The following WDR20 variants were observed in gnomAD, a reference collection of about 807,000 sequenced individuals.
The protein encoded by WDR20 is WD repeat-containing protein 20.
In WDR20, 3 loss-of-function variants were observed where a neutral mutation model predicts 38.7. That is an observed-to-expected ratio of 0.08 (90% CI 0.04 to 0.20). The LOEUF (loss-of-function observed/expected upper bound fraction) is 0.20. Among genes scored for constraint, WDR20 ranks in the 10% least tolerant of loss-of-function variants. WDR20 has a pLI of 1.00. For missense variants in WDR20, 559 were observed against 727.7 expected (o/e 0.77, Z 2.67); for synonymous variants, 298 against 285.6 (o/e 1.04, Z -0.44).
chr14:102,155,070 G>T (rs946840126), intron 1 of WDR20, among the ~76,000 whole-genome samples: 9 of 152,152 alleles, frequency 5.9e-5, no homozygotes, highest in African/African-American at 1.7e-4. Flanking sequence ...CTTTTTAGAG[G>T]TTGAGATTGC....
chr14:102,216,426 G>T (rs2063228792), downstream of WDR20, among the ~76,000 whole-genome samples: 1 of 152,012 alleles, frequency 6.6e-6, no homozygotes, highest in Non-Finnish European at 1.5e-5. Flanking sequence ...TGAGTAACTG[G>T]GACCATAGGC....
intron 2 of WDR20, among the ~76,000 whole-genome samples, chr14:102,200,467 T>TTTTTGTG (rs748066838): frequency 1.7e-5 from 2 of 117,688 alleles, no homozygotes; most frequent in African/African-American, 3.1e-5. Flanking sequence ...ATTTTTTTTT[T>TTTTTGTG]TGTGTGTGTG....
At chr14:102,140,721 G>T (rs941614958) in intron 1 of WDR20, among the ~76,000 whole-genome samples, 1 of 152,218 alleles carries the variant, frequency 6.6e-6, no homozygotes, top group South Asian at 2.1e-4. Context: ...CTTCCTAGGA[G>T]CCTCTCCTGG....
downstream of WDR20, among the ~76,000 whole-genome samples, chr14:102,216,842 A>T (rs1486483062): frequency 6.6e-6 from 1 of 152,204 alleles, no homozygotes; most frequent in East Asian, 1.9e-4. Context: ...AGGCACCATG[A>T]AAATCACTTG....
Position 102,199,897 on chromosome 14 carries a change from G to A in WDR20, c.432+4777G>A, listed in dbSNP as rs141568417. 1.2e-3 allele frequency among the ~76,000 whole-genome samples: 177 copies of A among 152,342 alleles called. 1 individual carries two copies. Among genetic ancestry groups the A allele is most frequent in the African/African-American group, 4.2e-3 (175 of 41,580 alleles). ...AAATAGAGAGGTACAAAGAAGGTAG[G>A]AAAGCATCACCTCTAAACCGTGACG... On this transcript the variant is annotated intron_variant, in intron 2 of 2. Coordinates refer to ENST00000342702, the MANE Select transcript of WDR20 (RefSeq NM_144574.4).
At chr14:102,186,964 A>AG (rs397976356) in intron 1 of WDR20, among the ~76,000 whole-genome samples, 20 of 150,960 alleles carry the variant, frequency 1.3e-4, no homozygotes, top group African/African-American at 4.7e-4. Flanking sequence ...AAAAAAAAAA[A>AG]GTTCCACCAA....
At chr14:102,173,007 A>T (rs1327022834) in intron 1 of WDR20, among the ~76,000 whole-genome samples, 4 of 147,132 alleles carry the variant, frequency 2.7e-5, no homozygotes, top group African/African-American at 1.0e-4. Flanking sequence ...CACATCTCAG[A>T]CGATGGGCGG....
chr14:102,188,193 C>T (rs1282287227), intron 1 of WDR20, among the ~76,000 whole-genome samples: 1 of 152,174 alleles, frequency 6.6e-6, no homozygotes, highest in Non-Finnish European at 1.5e-5. Context: ...TCAGATGCTT[C>T]TGGGCACTGA....
At chr14:102,224,655 A>G (rs749521257), downstream of WDR20, 2 of 456,066 alleles carry the variant, frequency 4.4e-6, no homozygotes, top group East Asian at 6.9e-5. Flanking sequence ...GCAGCCACGG[A>G]AAACTTCACA....
At chr14:102,187,042 G>A (rs1373459467) in intron 1 of WDR20, among the ~76,000 whole-genome samples, 1 of 152,078 alleles carries the variant, frequency 6.6e-6, no homozygotes, top group African/African-American at 2.4e-5. Context: ...TAGGCCCCTA[G>A]TCGTTCCACT....
intron 1 of WDR20, among the ~76,000 whole-genome samples, chr14:102,191,917 GAATT>G (rs1596570850): frequency 6.6e-6 from 1 of 152,128 alleles, no homozygotes; most frequent in African/African-American, 2.4e-5. Flanking sequence ...AAAATAAAAA[GAATT>G]AATAGGAAAA....
chr14:102,206,879 C>A (rs542012424), intron 2 of WDR20, among the ~76,000 whole-genome samples: 9 of 152,248 alleles, frequency 5.9e-5, no homozygotes, highest in African/African-American at 1.9e-4. Flanking sequence ...CACCTCCCTC[C>A]ACCATCAAAA....
intron 1 of WDR20, among the ~76,000 whole-genome samples, chr14:102,150,506 T>G (rs2055414316): frequency 6.6e-6 from 1 of 152,156 alleles, no homozygotes; most frequent in Non-Finnish European, 1.5e-5. Flanking sequence ...AGAGGGAATA[T>G]TTTAACATCT....
chr14:102,204,299 G>T (rs967595289), intron 2 of WDR20, among the ~76,000 whole-genome samples: 2 of 152,116 alleles, frequency 1.3e-5, no homozygotes, highest in African/African-American at 4.8e-5. Flanking sequence ...CTGTCTTTCT[G>T]TCCTTCTGTC....
Position 102,192,362 on chromosome 14 carries a change from A to G in WDR20, c.250-2576A>G, listed in dbSNP as rs1007305012. 3.9e-5 allele frequency among the ~76,000 whole-genome samples: 6 copies of G among 152,120 alleles called. 1 individual carries two copies. Among genetic ancestry groups the G allele is most frequent in the Admixed American group, 3.9e-4 (6 of 15,290 alleles). ...GCCCGGCTAATTTTTGTGTTTTAGT[A>G]GAGATGGGGTTTCATCATATTGGTC... On this transcript the variant is annotated intron_variant, in intron 1 of 2. Transcript: ENST00000342702.
rs116853552 is a variant in WDR20, at chr14:102,184,926, C to T, written c.250-10012C>T. 6.9e-3 allele frequency among the ~76,000 whole-genome samples: 1,057 copies of T among 152,190 alleles called. 8 individuals carry two copies. The highest frequency in any genetic ancestry group is 9.7e-3 in the Non-Finnish European group (660 of 68,022). ...AAGCGCGCTAGAGACAATGCACCAA[C>T]GGTTGGTCTTTAGTGAAGGGGATGG... On this transcript the variant is annotated intron_variant, in intron 1 of 2. Coordinates refer to ENST00000342702, the MANE Select transcript of WDR20 (RefSeq NM_144574.4).
At chr14:102,203,115 C>T (rs2060814506) in intron 2 of WDR20, among the ~76,000 whole-genome samples, 1 of 152,214 alleles carries the variant, frequency 6.6e-6, no homozygotes, top group Non-Finnish European at 1.5e-5. Context: ...GCATTCTGCA[C>T]CTACTGCTGG....
At chr14:102,182,954 C>T (rs1254184661) in intron 1 of WDR20, among the ~76,000 whole-genome samples, 1 of 151,478 alleles carries the variant, frequency 6.6e-6, no homozygotes, top group African/African-American at 2.4e-5. Context: ...ATCTCAGCTA[C>T]TTGGGAGGCT....
chr14:102,191,852 G>A lies in WDR20; in HGVS notation c.250-3086G>A, dbSNP rs1271262776. On this transcript the variant is annotated intron_variant, in intron 1 of 2. Coordinates refer to ENST00000342702, the MANE Select transcript of WDR20 (RefSeq NM_144574.4). ...CTTCTAGACAGTGCCACTCACACTAGTGTTGACAGATCAACTTTAAAAAAA... is the reference window on the plus strand; with the variant it reads ...CTTCTAGACAGTGCCACTCACACTAATGTTGACAGATCAACTTTAAAAAAA... Among the ~76,000 whole-genome samples the A allele has an allele frequency of 5.3e-5, 8 of 152,314 alleles. No individual in the cohort carries two copies. The East Asian group carries it at 1.4e-3, about 26-fold the overall frequency.
Sources: allele counts gnomAD v4.1 joint callset (sites outside exome capture counted in the v4.1 genomes callset), GRCh38; gene constraint gnomAD v4.1.1; transcripts MANE v1.5; gene names NCBI Gene and HGNC (gene_info 2026-07-23, HGNC 2026-07-21).